CSMD1: variants seen among roughly 807,000 people sequenced by gnomAD.
CSMD1 encodes CUB and Sushi multiple domains 1.
A neutral mutation model predicts 417.5 loss-of-function variants in CSMD1; 213 were observed. The ratio of observed to expected loss-of-function variants is 0.51; its 90% confidence interval spans 0.46 to 0.57. The LOEUF is 0.57. Ranked by LOEUF, CSMD1 falls within the 20% of genes least tolerant of loss-of-function variation. CSMD1 has a pLI of 0.00. For missense variants in CSMD1, 6,923 were observed against 4,529.7 expected, an observed-to-expected ratio of 1.53 and a Z score of -15.17; for synonymous variants, 2,862 against 1,736.8, an observed-to-expected ratio of 1.65 and a Z score of -16.11.
At chr8:4,361,409 C>G (rs1439050902) in intron 3 of CSMD1, among the ~76,000 whole-genome samples, 4 of 152,120 alleles carry the variant, frequency 2.6e-5, no homozygotes, top group Non-Finnish European at 5.9e-5. Context: ...GTCTCAGGCA[C>G]TGCTTCTAAG....
At chr8:3,257,264 C>T (rs1800722341) in intron 26 of CSMD1, among the ~76,000 whole-genome samples, 1 of 152,194 alleles carries the variant, frequency 6.6e-6, no homozygotes, top group Non-Finnish European at 1.5e-5. Flanking sequence ...GCAGAGTTCG[C>T]AGCAAGCCAA....
chr8:4,058,930 C>A (rs577497673), intron 3 of CSMD1, among the ~76,000 whole-genome samples: 1 of 152,024 alleles, frequency 6.6e-6, no homozygotes, highest in Non-Finnish European at 1.5e-5. Context: ...CTCAGCTCTG[C>A]ACCAAGCGGG....
At chr8:4,492,645 T>G (rs1801763908) in intron 2 of CSMD1, among the ~76,000 whole-genome samples, 1 of 152,240 alleles carries the variant, frequency 6.6e-6, no homozygotes, top group Admixed American at 6.5e-5. Context: ...CCTTTGGATT[T>G]ATATTTGATC....
At chr8:4,162,473 AG>A (rs2131100912) in intron 3 of CSMD1, among the ~76,000 whole-genome samples, 1 of 152,338 alleles carries the variant, frequency 6.6e-6, no homozygotes, top group Admixed American at 6.5e-5. Context: ...ACAAAATTTA[AG>A]CCAGTTTGAT....
intron 37 of CSMD1, among the ~76,000 whole-genome samples, chr8:3,175,393 G>C (rs10109557): frequency 6.6e-6 from 1 of 151,956 alleles, no homozygotes; most frequent in Non-Finnish European, 1.5e-5. Context: ...TTTTCTATCA[G>C]GATTTTCTAC....
At chr8:3,576,613 G>A (rs950088118) in intron 9 of CSMD1, among the ~76,000 whole-genome samples, 1 of 152,182 alleles carries the variant, frequency 6.6e-6, no homozygotes, top group African/African-American at 2.4e-5. Flanking sequence ...CTGTCCAAAT[G>A]AAAAACAAAC....
intron 33 of CSMD1, among the ~76,000 whole-genome samples, chr8:3,196,697 G>C (rs1323416335): frequency 6.6e-6 from 1 of 152,182 alleles, no homozygotes; most frequent in Non-Finnish European, 1.5e-5. Context: ...TCATGCCTGA[G>C]CCACAGCTGC....
intron 5 of CSMD1, among the ~76,000 whole-genome samples, chr8:3,951,552 A>T (rs1811602080): frequency 6.6e-6 from 1 of 152,188 alleles, no homozygotes; most frequent in South Asian, 2.1e-4. Flanking sequence ...TATCTAAGTA[A>T]AATACATCGC....
At chr8:3,983,657 G>A (rs927334944) in intron 5 of CSMD1, among the ~76,000 whole-genome samples, 1 of 152,202 alleles carries the variant, frequency 6.6e-6, no homozygotes, top group African/African-American at 2.4e-5. Context: ...TCATGATAGA[G>A]ATCATGTGGA....
intron 10 of CSMD1, among the ~76,000 whole-genome samples, chr8:3,548,497 C>G (rs1462686808): frequency 6.6e-6 from 1 of 151,894 alleles, no homozygotes; most frequent in Non-Finnish European, 1.5e-5. Flanking sequence ...ACTCTTATGC[C>G]TTTCCATCCT....
chr8:3,509,900 T>C (rs1796992010), intron 10 of CSMD1, among the ~76,000 whole-genome samples: 1 of 152,122 alleles, frequency 6.6e-6, no homozygotes, highest in Non-Finnish European at 1.5e-5. Context: ...CATGCCCCAG[T>C]GAAGCGATGA....
chr8:4,781,763 A>G (rs10081503), intron 1 of CSMD1, among the ~76,000 whole-genome samples: 27,724 of 152,048 alleles, frequency 0.18, 2,604 homozygotes, highest in East Asian at 0.33. Context: ...TCTTAATCAC[A>G]GCAATTAATA....
At chr8:4,054,886 G>C (rs2554530) in intron 3 of CSMD1, among the ~76,000 whole-genome samples, 137,312 of 152,070 alleles carry the variant, frequency 0.9, 62,192 homozygotes, top group East Asian at 0.99. Flanking sequence ...ACATACAAAG[G>C]CTACGTCTGC....
intron 1 of CSMD1, among the ~76,000 whole-genome samples, chr8:4,902,008 G>C (rs188054408): frequency 2.6e-5 from 4 of 152,154 alleles, no homozygotes; most frequent in African/African-American, 9.7e-5. Flanking sequence ...GAGGCTGTAA[G>C]GAAATGCAGC....
chr8:4,041,163 C>T (rs1434633679), intron 3 of CSMD1, among the ~76,000 whole-genome samples: 9 of 151,762 alleles, frequency 5.9e-5, no homozygotes, highest in East Asian at 3.9e-4. Flanking sequence ...ACTACAGGCG[C>T]CCGCCACCAC....
chr8:4,076,770 C>A (rs978940578), intron 3 of CSMD1, among the ~76,000 whole-genome samples: 1 of 152,144 alleles, frequency 6.6e-6, no homozygotes, highest in Non-Finnish European at 1.5e-5. Context: ...ACATTTCAGG[C>A]TCTGAACAAC....
At chr8:2,987,222 T>C (rs528578074) in intron 54 of CSMD1, among the ~76,000 whole-genome samples, 2 of 152,148 alleles carry the variant, frequency 1.3e-5, no homozygotes, top group African/African-American at 4.8e-5. Context: ...GCTATTAAAA[T>C]TTTAATTAAA....
intron 2 of CSMD1, among the ~76,000 whole-genome samples, chr8:4,437,934 A>G (rs912894896): frequency 6.6e-6 from 1 of 152,184 alleles, no homozygotes; most frequent in African/African-American, 2.4e-5. Flanking sequence ...ACCTGCTTAA[A>G]GTAATTCTCT....
chr8:3,543,047 G>A (rs932219078), intron 10 of CSMD1, among the ~76,000 whole-genome samples: 4 of 152,272 alleles, frequency 2.6e-5, no homozygotes, highest in Admixed American at 2.0e-4. Context: ...GTTCTGTCTC[G>A]CTGGGCTCAG....
Sources: allele counts gnomAD v4.1 joint callset (sites outside exome capture counted in the v4.1 genomes callset), GRCh38; gene constraint gnomAD v4.1.1; transcripts MANE v1.5; gene names NCBI Gene and HGNC (gene_info 2026-07-23, HGNC 2026-07-21).